Variants in ARHGAP15 observed in about 807,000 individuals in gnomAD.
ARHGAP15 encodes the protein rho GTPase-activating protein 15.
In ARHGAP15, 51 loss-of-function variants were observed where a neutral mutation model predicts 63.7. The observed-to-expected ratio is 0.80, with a 90% CI of 0.64 to 1.01. The LOEUF (loss-of-function observed/expected upper bound fraction) is 1.01, where lower values mean the gene tolerates loss of function less well. Ranked by LOEUF, ARHGAP15 falls within the 50% of genes least tolerant of loss-of-function variation. The pLI is 0.00. For synonymous variants in ARHGAP15, 191 were observed against 193.8 expected, an observed-to-expected ratio of 0.99 and a Z score of 0.12; for missense variants, 560 against 564.6, an observed-to-expected ratio of 0.99 and a Z score of 0.08.
At chr2:143,315,190 T>G (rs976878097) in intron 6 of ARHGAP15, among the ~76,000 whole-genome samples, 1 of 152,168 alleles carries the variant, frequency 6.6e-6, no homozygotes, top group African/African-American at 2.4e-5. Flanking sequence ...TAAAACAGAT[T>G]TATGTAACTA....
chr2:143,603,182 T>C (rs1697846065), intron 11 of ARHGAP15, among the ~76,000 whole-genome samples: 1 of 152,184 alleles, frequency 6.6e-6, no homozygotes, highest in South Asian at 2.1e-4. Flanking sequence ...CTGGACCTCC[T>C]TGAGTCATGT....
intron 6 of ARHGAP15, among the ~76,000 whole-genome samples, chr2:143,263,000 G>C (rs1680805898): frequency 6.6e-6 from 1 of 152,084 alleles, no homozygotes; most frequent in African/African-American, 2.4e-5. Flanking sequence ...GAGACACCAT[G>C]TCATGTAACA....
At chr2:143,300,279 T>G (rs1682836763) in intron 6 of ARHGAP15, among the ~76,000 whole-genome samples, 1 of 152,014 alleles carries the variant, frequency 6.6e-6, no homozygotes, top group Admixed American at 6.6e-5. Flanking sequence ...CTGAACAGGA[T>G]GAGACCTCAG....
chr2:143,720,843 G>A (rs955374835), intron 13 of ARHGAP15, among the ~76,000 whole-genome samples: 1 of 152,088 alleles, frequency 6.6e-6, no homozygotes, highest in Non-Finnish European at 1.5e-5. Context: ...GCCGAGGCGG[G>A]CGGATCACAA....
At chr2:143,606,035 C>CAAGA (rs1697999443) in intron 11 of ARHGAP15, among the ~76,000 whole-genome samples, 1 of 22,862 alleles carries the variant, frequency 4.4e-5, no homozygotes, top group Non-Finnish European at 7.0e-5. Flanking sequence ...GACTCTGTCT[C>CAAGA]AAAAAAAAAA....
chr2:143,350,176 G>A (rs963763777), intron 6 of ARHGAP15, among the ~76,000 whole-genome samples: 1 of 152,008 alleles, frequency 6.6e-6, no homozygotes, highest in African/African-American at 2.4e-5. Context: ...ACTACTTTAA[G>A]TCAATATCTA....
At chr2:143,233,646 C>CTTT (rs558684012) in intron 5 of ARHGAP15, among the ~76,000 whole-genome samples, 4 of 132,192 alleles carry the variant, frequency 3.0e-5, no homozygotes, top group Non-Finnish European at 6.5e-5. Flanking sequence ...CAATAGCTAT[C>CTTT]TTTTTTTTTT....
At chr2:143,139,989 C>A (rs550113779) in intron 1 of ARHGAP15, among the ~76,000 whole-genome samples, 12 of 152,176 alleles carry the variant, frequency 7.9e-5, no homozygotes. Context: ...AGATGTTTAC[C>A]CTGCATGAGG....
At chr2:143,599,972 A>G (rs556827644) in intron 11 of ARHGAP15, among the ~76,000 whole-genome samples, 26 of 152,260 alleles carry the variant, frequency 1.7e-4, no homozygotes, top group African/African-American at 6.0e-4. Flanking sequence ...CATAAAAGTA[A>G]TTTCTTTCCT....
chr2:143,713,262 A>G (rs1369362246), intron 13 of ARHGAP15, among the ~76,000 whole-genome samples: 5 of 152,186 alleles, frequency 3.3e-5, no homozygotes, highest in African/African-American at 9.7e-5. Context: ...AGCAAGAGAA[A>G]ACAAAGAAGA....
intron 6 of ARHGAP15, among the ~76,000 whole-genome samples, chr2:143,424,822 A>T (rs917136982): frequency 6.6e-6 from 1 of 152,130 alleles, no homozygotes; most frequent in Non-Finnish European, 1.5e-5. Context: ...AAGCTTCTTA[A>T]GAGGAAGGGT....
intron 8 of ARHGAP15, among the ~76,000 whole-genome samples, chr2:143,443,570 C>T (rs1689995020): frequency 6.6e-6 from 1 of 151,938 alleles, no homozygotes; most frequent in Non-Finnish European, 1.5e-5. Context: ...CAGACAATAT[C>T]TAAAGAATAG....
rs191661676 is a variant in ARHGAP15, at chr2:143,319,473, C to T, written c.474+68873C>T. On this transcript the variant is annotated intron_variant, in intron 6 of 13. Transcript: ENST00000295095. Reference sequence around the variant, plus strand: ...CTGACCTCAGGTGATTCACCCGCTTCGGCCTGCCAAAGTGCTGGGATTACA... The same window carrying T: ...CTGACCTCAGGTGATTCACCCGCTTTGGCCTGCCAAAGTGCTGGGATTACA... Among the ~76,000 whole-genome samples the T allele has an allele frequency of 1.1e-3, 170 of 152,234 alleles. 1 individual carries two copies. In the East Asian group the frequency reaches 0.014, roughly 13 times the overall value.
At chr2:143,613,809 G>A (rs1016723151) in intron 11 of ARHGAP15, among the ~76,000 whole-genome samples, 2 of 152,040 alleles carry the variant, frequency 1.3e-5, no homozygotes, top group Admixed American at 1.3e-4. Flanking sequence ...TGAGCTTCTT[G>A]CTCATTGTGT....
At chr2:143,747,685 C>T (rs1307212359) in intron 13 of ARHGAP15, among the ~76,000 whole-genome samples, 1 of 152,090 alleles carries the variant, frequency 6.6e-6, no homozygotes, top group Non-Finnish European at 1.5e-5. Flanking sequence ...ATTTAAGATT[C>T]TTCTTGTTCT....
At chr2:143,386,634 G>C (rs1687299261) in intron 6 of ARHGAP15, among the ~76,000 whole-genome samples, 1 of 152,106 alleles carries the variant, frequency 6.6e-6, no homozygotes, top group Non-Finnish European at 1.5e-5. Context: ...TACAATGCTA[G>C]AGTGTCTACT....
chr2:143,567,027 C>T (rs765940555), intron 11 of ARHGAP15, among the ~76,000 whole-genome samples: 9 of 152,070 alleles, frequency 5.9e-5, no homozygotes, highest in African/African-American at 9.7e-5. Context: ...AGGTGCCCGC[C>T]ACCACGCCTG....
At chr2:143,172,809 C>CA (rs1690845332) in intron 2 of ARHGAP15, among the ~76,000 whole-genome samples, 1 of 152,016 alleles carries the variant, frequency 6.6e-6, no homozygotes, top group Non-Finnish European at 1.5e-5. Flanking sequence ...TAGGGACAAT[C>CA]AATTACGTGA....
At chr2:143,608,883 A>T (rs996848357) in intron 11 of ARHGAP15, 8 of 152,188 alleles carry the variant, frequency 5.3e-5, no homozygotes, top group African/African-American at 1.9e-4. Context: ...TGAGTTAATT[A>T]TGTTAACTTG....
Sources: gnomAD v4.1 joint callset for allele counts (sites outside exome capture counted in the v4.1 genomes callset) on GRCh38, gnomAD v4.1.1 for gene constraint, MANE v1.5 for transcripts, NCBI Gene and HGNC (gene_info 2026-07-23, HGNC 2026-07-21) for gene names.